The following FOXP2 variants were observed in gnomAD, a reference collection of about 807,000 sequenced individuals.
FOXP2 encodes the protein forkhead box protein P2.
In FOXP2, 12 loss-of-function variants were observed where a neutral mutation model predicts 115.8. The observed-to-expected ratio is 0.10, with a 90% CI of 0.07 to 0.17. The LOEUF is 0.17. Ranked by LOEUF, FOXP2 falls within the 10% of genes least tolerant of loss-of-function variation. The probability of loss-of-function intolerance (pLI) is 1.00; values close to 1 mark genes in which losing one functional copy is unlikely to be tolerated. For missense variants in FOXP2, 629 were observed against 843.5 expected, an observed-to-expected ratio of 0.75 and a Z score of 3.15; for synonymous variants, 328 against 297.7, an observed-to-expected ratio of 1.10 and a Z score of -1.05.
At chr7:114,100,363 A>G (rs544620410) in intron 1 of FOXP2, among the ~76,000 whole-genome samples, 2 of 152,244 alleles carry the variant, frequency 1.3e-5, no homozygotes, top group Admixed American at 1.3e-4. Context: ...AGAACTAAAT[A>G]CCGTACTATA....
At chr7:114,369,280 G>A (rs1343588403) in intron 2 of FOXP2, among the ~76,000 whole-genome samples, 1 of 152,178 alleles carries the variant, frequency 6.6e-6, no homozygotes, top group Non-Finnish European at 1.5e-5. Flanking sequence ...TTTAAGAGGA[G>A]GGGAACTAGC....
intron 2 of FOXP2, among the ~76,000 whole-genome samples, chr7:114,472,311 G>A (rs1275215942): frequency 1.3e-5 from 2 of 151,666 alleles, no homozygotes; most frequent in East Asian, 3.9e-4. Flanking sequence ...TTTATTAAAA[G>A]GTGAATCTTT....
intron 1 of FOXP2, among the ~76,000 whole-genome samples, chr7:114,131,905 G>C (rs145690296): frequency 5.1e-4 from 78 of 152,218 alleles, no homozygotes; most frequent in East Asian, 3.7e-3. Context: ...TGAGGACTAG[G>C]TGAAAAGACA....
intron 1 of FOXP2, among the ~76,000 whole-genome samples, chr7:114,234,859 C>G (rs1377391557): frequency 6.6e-6 from 1 of 152,150 alleles, no homozygotes; most frequent in Admixed American, 6.5e-5. Context: ...AGAGCAGTCT[C>G]TTCCATACTT....
intron 3 of FOXP2, among the ~76,000 whole-genome samples, chr7:114,539,429 C>T (rs1165406156): frequency 2.0e-5 from 3 of 151,574 alleles, no homozygotes; most frequent in East Asian, 1.9e-4. Flanking sequence ...AATTGAGATA[C>T]GGGTTTAAAT....
chr7:114,227,579 G>A (rs796556392), intron 1 of FOXP2, among the ~76,000 whole-genome samples: 1 of 151,194 alleles, frequency 6.6e-6, no homozygotes, highest in South Asian at 2.1e-4. Flanking sequence ...CTAGACTTCT[G>A]CATTTTACTT....
At chr7:114,209,104 A>G (rs1203204453) in intron 1 of FOXP2, among the ~76,000 whole-genome samples, 1 of 152,302 alleles carries the variant, frequency 6.6e-6, no homozygotes, top group African/African-American at 2.4e-5. Context: ...AGATAATTGA[A>G]TCATGGCATG....
In FOXP2 at chr7:114,631,566, C is replaced by CCAG. The variant is rs966088026; in HGVS notation, c.641_643dup (p.Gln214dup). On this transcript the variant is annotated inframe_insertion, in exon 6 of 17. Transcript: ENST00000350908. ...AGCAGCAGCAACAGCAATTGGCAGC[C>CCAG]CAGCAGCTTGTCTTCCAGCAGCAGC... 6.3e-7 allele frequency: 1 copy of CCAG among 1,596,034 alleles called. No homozygotes were observed. Among genetic ancestry groups the CCAG allele is most frequent in the Non-Finnish European group, 8.5e-7 (1 of 1,170,850 alleles).
At chr7:114,574,338 G>A (rs972399443) in intron 3 of FOXP2, among the ~76,000 whole-genome samples, 2 of 151,750 alleles carry the variant, frequency 1.3e-5, no homozygotes, top group South Asian at 4.1e-4. Flanking sequence ...GGTATAAGAG[G>A]AAGAGAGCTT....
At chr7:114,627,688 CT>C (rs1419923661) in intron 3 of FOXP2, among the ~76,000 whole-genome samples, 2 of 151,972 alleles carry the variant, frequency 1.3e-5, no homozygotes, top group African/African-American at 4.8e-5. Flanking sequence ...CTTTTTGCCT[CT>C]CATCCTCAGA....
chr7:114,135,862 C>T (rs1053313342), intron 1 of FOXP2, among the ~76,000 whole-genome samples: 6 of 152,032 alleles, frequency 3.9e-5, no homozygotes, highest in African/African-American at 1.4e-4. Flanking sequence ...CTTCCTAGTT[C>T]TCACCCTGAA....
chr7:114,576,034 A>G (rs1801559162), intron 3 of FOXP2, among the ~76,000 whole-genome samples: 1 of 151,852 alleles, frequency 6.6e-6, no homozygotes, highest in African/African-American at 2.4e-5. Flanking sequence ...GATTATTATG[A>G]TGGTATTCAT....
At chr7:114,119,004 A>G (rs1791485450) in intron 1 of FOXP2, among the ~76,000 whole-genome samples, 3 of 152,162 alleles carry the variant, frequency 2.0e-5, no homozygotes, top group Non-Finnish European at 4.4e-5. Context: ...ATGATGGACA[A>G]AGAAAGTCCA....
At chr7:114,511,890 T>C (rs994778475) in intron 2 of FOXP2, among the ~76,000 whole-genome samples, 2 of 152,152 alleles carry the variant, frequency 1.3e-5, no homozygotes, top group East Asian at 3.8e-4. Context: ...TTATAATTAT[T>C]ATTGTAATTA....
intron 2 of FOXP2, among the ~76,000 whole-genome samples, chr7:114,437,038 A>G (rs1562926315): frequency 6.6e-6 from 1 of 152,206 alleles, no homozygotes; most frequent in African/African-American, 2.4e-5. Context: ...TAGTTTTATG[A>G]AAACTTATTC....
At chr7:114,593,407 C>A (rs1345026906) in intron 3 of FOXP2, among the ~76,000 whole-genome samples, 1 of 151,934 alleles carries the variant, frequency 6.6e-6, no homozygotes, top group East Asian at 1.9e-4. Context: ...ATTGACAAAA[C>A]AACCAGCCAC....
intron 2 of FOXP2, among the ~76,000 whole-genome samples, chr7:114,318,695 A>G (rs1007218045): frequency 6.8e-6 from 1 of 147,284 alleles, no homozygotes; most frequent in African/African-American, 2.6e-5. Flanking sequence ...AACTATTTTG[A>G]GGATTTAGAT....
chr7:114,422,731 CAAACTTTT>C (rs1325025483), intron 1 of FOXP2, among the ~76,000 whole-genome samples: 2 of 151,608 alleles, frequency 1.3e-5, no homozygotes, highest in Admixed American at 6.6e-5. Context: ...GGTCAAGTTT[CAAACTTTT>C]AAACATTGCT....
chr7:114,514,115 ACACG>A (rs1798212602), intron 2 of FOXP2, among the ~76,000 whole-genome samples: 1 of 146,464 alleles, frequency 6.8e-6, no homozygotes, highest in East Asian at 2.0e-4. Flanking sequence ...ACACACACAC[ACACG>A]CCATAAATAT....
Sources: allele counts gnomAD v4.1 joint callset (sites outside exome capture counted in the v4.1 genomes callset), GRCh38; gene constraint gnomAD v4.1.1; transcripts MANE v1.5; gene names NCBI Gene and HGNC (gene_info 2026-07-23, HGNC 2026-07-21).